The following SYNPO2 variants were observed in gnomAD, a reference collection of about 807,000 sequenced individuals.
SYNPO2 encodes the protein synaptopodin-2.
A neutral mutation model predicts 85.0 loss-of-function variants in SYNPO2; 56 were observed. The ratio of observed to expected loss-of-function variants is 0.66; its 90% CI spans 0.53 to 0.82. The LOEUF (loss-of-function observed/expected upper bound fraction) is 0.82, where lower values mean the gene tolerates loss of function less well. SYNPO2 is among the 40% of genes least tolerant of loss of function. The pLI, the probability that SYNPO2 is intolerant of heterozygous loss-of-function variation, is 0.00. For missense variants in SYNPO2, 1,575 were observed against 1,534.2 expected, an observed-to-expected ratio of 1.03 and a Z score of -0.44; for synonymous variants, 602 against 591.1, an observed-to-expected ratio of 1.02 and a Z score of -0.27.
At chr4:119,001,412 C>T (rs1183292215) in intron 1 of SYNPO2, among the ~76,000 whole-genome samples, 1 of 152,174 alleles carries the variant, frequency 6.6e-6, no homozygotes, top group African/African-American at 2.4e-5. Flanking sequence ...TAAGTAGATA[C>T]TCATTGTTAA....
intron 1 of SYNPO2, among the ~76,000 whole-genome samples, chr4:119,007,317 G>A (rs561510384): frequency 1.7e-5 from 1 of 59,450 alleles, no homozygotes; most frequent in Admixed American, 2.0e-4. Context: ...CGCACATATA[G>A]GCATACTCTA....
At chr4:118,858,435 T>G (rs1329856279) in intron 1 of SYNPO2, among the ~76,000 whole-genome samples, 1 of 152,238 alleles carries the variant, frequency 6.6e-6, no homozygotes, top group Non-Finnish European at 1.5e-5. Flanking sequence ...GCTGATGGAT[T>G]CCTGTTTTGT....
chr4:119,026,706 G>A lies in SYNPO2; in HGVS notation c.337G>A (p.Val113Met). ...CGAGCATCTCACACATGGGGGTTAT[G>A]TGGAAAGTACCACCCTGCAGATTCG... ...NLEHLTHGGYVESTTLQIRPA... is the reference protein window; with the variant it reads ...NLEHLTHGGYMESTTLQIRPA... Residue 113 changes from valine (V) to methionine (M), a missense_variant, in exon 3 of 5, where the codon GTG (valine) becomes ATG (methionine). Coordinates refer to ENST00000307142, the MANE Select transcript of SYNPO2 (RefSeq NM_133477.3). 6.2e-7 allele frequency: 1 copy of A among 1,614,166 alleles called. No homozygotes were observed.
intron 1 of SYNPO2, among the ~76,000 whole-genome samples, chr4:118,891,273 A>T (rs1732371183): frequency 6.6e-6 from 1 of 152,152 alleles, no homozygotes; most frequent in Non-Finnish European, 1.5e-5. Flanking sequence ...CTATACTTAG[A>T]GCTATAGATT....
At chr4:118,879,950 G>A (rs1732047644) in intron 1 of SYNPO2, among the ~76,000 whole-genome samples, 1 of 151,770 alleles carries the variant, frequency 6.6e-6, no homozygotes, top group Non-Finnish European at 1.5e-5. Flanking sequence ...AGAGACCCAG[G>A]AGCAGCAGAT....
At chr4:119,035,049 C>A (rs1738449319) in intron 4 of SYNPO2, 2 of 985,290 alleles carry the variant, frequency 2.0e-6, no homozygotes, top group South Asian at 4.7e-5. Flanking sequence ...AGCTCAAGAG[C>A]GACAATCATT....
chr4:118,912,576 C>T (rs1733178590), intron 1 of SYNPO2, among the ~76,000 whole-genome samples: 1 of 152,114 alleles, frequency 6.6e-6, no homozygotes. Context: ...TGACTGTCTA[C>T]TCCTTGTTTC....
upstream of SYNPO2, among the ~76,000 whole-genome samples, chr4:118,885,630 G>C (rs768418014): frequency 6.6e-6 from 1 of 151,968 alleles, no homozygotes; most frequent in Non-Finnish European, 1.5e-5. Context: ...GCACCACCAC[G>C]CCCAGCTAAT....
At chr4:119,022,817 C>T (rs1368273179) in intron 1 of SYNPO2, among the ~76,000 whole-genome samples, 3 of 145,260 alleles carry the variant, frequency 2.1e-5, no homozygotes, top group Non-Finnish European at 4.5e-5. Context: ...TGCTCTGTTG[C>T]CCAGGCTGGA....
intron 1 of SYNPO2, among the ~76,000 whole-genome samples, chr4:118,906,219 A>C (rs538342076): frequency 2.0e-5 from 3 of 152,032 alleles, no homozygotes; most frequent in Non-Finnish European, 4.4e-5. Flanking sequence ...GCTTTTTTTT[A>C]AAAAAATAAG....
chr4:118,927,780 A>AGAT (rs201987891), intron 1 of SYNPO2, among the ~76,000 whole-genome samples: 1 of 140,986 alleles, frequency 7.1e-6, no homozygotes, highest in African/African-American at 2.5e-5. Flanking sequence ...GATAGATGAT[A>AGAT]GATAGATAGA....
chr4:118,945,139 G>A (rs79895575), intron 1 of SYNPO2, among the ~76,000 whole-genome samples: 2 of 152,260 alleles, frequency 1.3e-5, no homozygotes, highest in East Asian at 3.9e-4. Context: ...ATTATTATTC[G>A]CACCTACCAA....
At chr4:119,012,956 C>T (rs1737385118) in intron 1 of SYNPO2, among the ~76,000 whole-genome samples, 2 of 152,090 alleles carry the variant, frequency 1.3e-5, no homozygotes, top group South Asian at 4.1e-4. Context: ...TCCTCCTGTC[C>T]AACTCAGATA....
intron 1 of SYNPO2, among the ~76,000 whole-genome samples, chr4:119,007,216 GTA>G (rs66895824): frequency 0.26 from 11,856 of 45,436 alleles, 1,696 homozygotes; most frequent in South Asian, 0.37. Flanking sequence ...AAGAACAAAG[GTA>G]TATATATATA....
intron 1 of SYNPO2, among the ~76,000 whole-genome samples, chr4:118,958,765 T>G (rs1734968848): frequency 6.6e-6 from 1 of 152,156 alleles, no homozygotes; most frequent in Non-Finnish European, 1.5e-5. Context: ...AGGAGCAAGG[T>G]GACTTGGTTA....
intron 1 of SYNPO2, among the ~76,000 whole-genome samples, chr4:118,897,346 A>G (rs1732583032): frequency 6.6e-6 from 1 of 152,180 alleles, no homozygotes; most frequent in Non-Finnish European, 1.5e-5. Flanking sequence ...ATTTGAGATG[A>G]GATTTCAGTG....
chr4:119,032,221 C>T (rs774497833), intron 4 of SYNPO2, 194 bp downstream of exon 4: 201 of 1,434,060 alleles, frequency 1.4e-4, no homozygotes, highest in Non-Finnish European at 1.8e-4. Context: ...AGTCAAAAAT[C>T]CAACTCAGAT....
chr4:118,942,822 G>C (rs1368787871), intron 1 of SYNPO2, among the ~76,000 whole-genome samples: 1 of 152,118 alleles, frequency 6.6e-6, no homozygotes, highest in Non-Finnish European at 1.5e-5. Context: ...TAAAATGTCA[G>C]TTGGTCAGGT....
At position 118,879,568 on chromosome 4, in the gene SYNPO2, C is replaced by T. The variant is rs1429246038; in HGVS notation, c.12+28628C>T. ...AGAGGGCACTCAGCAGACAGTGGAC[C>T]TAGCAGCCCTTTGATCTTAGACTTC... On this transcript the variant is annotated intron_variant, in intron 1 of 4. Transcript: ENST00000610556. Among the ~76,000 whole-genome samples the T allele has an allele frequency of 1.3e-5, 2 of 152,178 alleles. 1 individual carries two copies. Among genetic ancestry groups the T allele is most frequent in the South Asian group, 4.1e-4 (2 of 4,828 alleles).
Sources: allele counts gnomAD v4.1 joint callset (sites outside exome capture counted in the v4.1 genomes callset), GRCh38; gene constraint gnomAD v4.1.1; transcripts MANE v1.5; gene names NCBI Gene and HGNC (gene_info 2026-07-23, HGNC 2026-07-21).